The following DCAF5 variants were observed in gnomAD, a reference collection of about 807,000 sequenced individuals.
DCAF5 encodes the protein DDB1 and CUL4 associated factor 5.
A neutral mutation model predicts 80.7 loss-of-function variants in DCAF5; 9 were observed. That is an observed-to-expected ratio of 0.11 (90% confidence interval 0.07 to 0.19). DCAF5 has a LOEUF of 0.19. Among genes scored for constraint, DCAF5 ranks in the 10% least tolerant of loss-of-function variants. The pLI is 1.00. For missense variants in DCAF5, 842 were observed against 1,205.7 expected, an observed-to-expected ratio of 0.70 and a Z score of 4.47; for synonymous variants, 433 against 461.9, an observed-to-expected ratio of 0.94 and a Z score of 0.80.
chr14:69,058,604 G>T (rs987848090), intron 8 of DCAF5, among the ~76,000 whole-genome samples: 2 of 151,982 alleles, frequency 1.3e-5, no homozygotes, highest in Admixed American at 6.6e-5. Flanking sequence ...GCCAGGCGTG[G>T]TGGCTCACAC....
At chr14:69,133,558 G>C (rs945818616) in intron 1 of DCAF5, among the ~76,000 whole-genome samples, 3 of 152,044 alleles carry the variant, frequency 2.0e-5, no homozygotes, top group East Asian at 1.9e-4. Context: ...AAGAGGCGGG[G>C]GTACAGGCAG....
chr14:69,119,186 C>T lies in DCAF5; in HGVS notation c.395+8G>A. 1 of 1,612,966 alleles carries T rather than the reference C, an allele frequency of 6.2e-7. No individual in the cohort carries two copies. The highest frequency in any genetic ancestry group is 1.7e-4 in the Middle Eastern group (1 of 6,054). On this transcript the variant is annotated splice_region_variant and intron_variant, in intron 3 of 8. Coordinates refer to ENST00000341516, the MANE Select transcript of DCAF5 (RefSeq NM_003861.3). ...TCAATCACCTTCACACACCACCAAT[C>T]TATTTACCTTTCAACATCATGGAGG...
At chr14:69,149,319 T>C (rs1247821561) in intron 1 of DCAF5, 1 of 152,224 alleles carries the variant, frequency 6.6e-6, no homozygotes, top group Non-Finnish European at 1.5e-5. Flanking sequence ...CGATGCCCCT[T>C]TCTGGTCATA....
intron 1 of DCAF5, among the ~76,000 whole-genome samples, chr14:69,146,010 T>C (rs11621304): frequency 0.015 from 2,318 of 152,300 alleles, 36 homozygotes; most frequent in Non-Finnish European, 0.023. Context: ...GTGTGACAAG[T>C]TTTACTAGTC....
rs752783676 is a variant in DCAF5, at chr14:69,118,256, C to G, written c.418G>C (p.Ala140Pro). Reference protein sequence around the residue: ...VESSETLDVFAHEDAVYGLSV... With the variant: ...VESSETLDVFPHEDAVYGLSV... ...AAGCCATATACTGCATCTTCATGAG[C>G]AAACACGTCCAATGTCTCACTGCTG... is the stretch of plus-strand genomic sequence containing the variant. The change falls in exon 4 of 9, where the codon GCT becomes CCT. Residue 140 changes from alanine (A) to proline (P), a missense_variant. Physicochemically the swap from Ala to Pro is conservative, Grantham distance 27. Coordinates refer to ENST00000341516, the MANE Select transcript of DCAF5 (RefSeq NM_003861.3). This position sits in a 1 kb window ranked among gnomAD's most constrained non-coding sequence, Gnocchi z 4.0. 2 of 1,613,806 alleles carry G rather than the reference C, an allele frequency of 1.2e-6. No homozygotes were observed. Among genetic ancestry groups the G allele is most frequent in the East Asian group, 4.5e-5 (2 of 44,862 alleles).
chr14:69,065,922 G>A (rs1433805316), intron 7 of DCAF5, among the ~76,000 whole-genome samples: 1 of 152,068 alleles, frequency 6.6e-6, no homozygotes, highest in East Asian at 1.9e-4. Context: ...TAAGACTGTG[G>A]GTAAGGGCCC....
At chr14:69,096,532 C>T (rs1312178220) in intron 5 of DCAF5, among the ~76,000 whole-genome samples, 2 of 152,086 alleles carry the variant, frequency 1.3e-5, no homozygotes, top group Non-Finnish European at 2.9e-5. Flanking sequence ...TTTCATGAAG[C>T]ACATATGGAT....
intron 6 of DCAF5, chr14:69,084,055 T>C (rs911653758): frequency 1.3e-6 from 1 of 781,450 alleles, no homozygotes; most frequent in Admixed American, 1.7e-5. Flanking sequence ...ACAAAAACCG[T>C]CAGTGGTAAA....
chr14:69,092,023 G>C (rs1594980542), intron 5 of DCAF5, 136 bp from the exon 6 acceptor site: 1 of 688,642 alleles, frequency 1.5e-6, no homozygotes, highest in Non-Finnish European at 2.4e-6. Context: ...GCAGTGGCTA[G>C]AATAATGAGG....
In DCAF5 at chr14:69,152,146, C is replaced by T. The variant is rs943289753; in HGVS notation, c.214+619G>A. The stretch of plus-strand genomic sequence containing the variant: ...AAACAAGACGCAGAAGAGGCCACAA[C>T]CGAACGAAAGGCGATGGTGCTGGGC... On this transcript the variant is annotated intron_variant, in intron 1 of 8. Transcript: ENST00000341516. The surrounding 1 kb of genome is among the most constrained non-coding windows in gnomAD (Gnocchi z 4.1). Among the ~76,000 whole-genome samples the T allele has an allele frequency of 6.6e-6, 1 of 152,348 alleles. No individual in the cohort carries two copies. The highest frequency in any genetic ancestry group is 2.1e-4 in the South Asian group (1 of 4,832).
intron 7 of DCAF5, among the ~76,000 whole-genome samples, chr14:69,065,516 G>A (rs2038404471): frequency 6.6e-6 from 1 of 152,188 alleles, no homozygotes; most frequent in East Asian, 1.9e-4. Flanking sequence ...GACTGATGGT[G>A]AAAATAGGTA....
chr14:69,089,932 T>C (rs766790890), intron 6 of DCAF5: 135 of 985,246 alleles, frequency 1.4e-4, no homozygotes, highest in Non-Finnish European at 1.6e-4. Context: ...TGGGAAACCA[T>C]GGTCTAGGTG....
At chr14:69,120,242 C>T (rs1384652740) in intron 2 of DCAF5, among the ~76,000 whole-genome samples, 2 of 151,998 alleles carry the variant, frequency 1.3e-5, no homozygotes, top group Non-Finnish European at 2.9e-5. Flanking sequence ...TGTCACTATG[C>T]CTGGCTAATT....
intron 5 of DCAF5, among the ~76,000 whole-genome samples, chr14:69,106,146 T>A (rs1467382024): frequency 6.6e-6 from 1 of 150,898 alleles, no homozygotes; most frequent in Non-Finnish European, 1.5e-5. Context: ...AACCTCTGCC[T>A]CCCAGGTTCA....
intron 6 of DCAF5, among the ~76,000 whole-genome samples, chr14:69,077,911 G>A (rs2038961845): frequency 6.6e-6 from 1 of 152,178 alleles, no homozygotes; most frequent in Admixed American, 6.5e-5. Context: ...TAGGTAATCA[G>A]GGCACAGTGG....
intron 1 of DCAF5, among the ~76,000 whole-genome samples, chr14:69,126,097 GA>G (rs1354295899): frequency 6.9e-6 from 1 of 144,010 alleles, no homozygotes; most frequent in Non-Finnish European, 1.5e-5. Flanking sequence ...ATCTACATAA[GA>G]AAAATTATAA....
chr14:69,058,915 AG>A (rs1238837710), intron 8 of DCAF5, among the ~76,000 whole-genome samples: 1 of 151,856 alleles, frequency 6.6e-6, no homozygotes, highest in Non-Finnish European at 1.5e-5. Context: ...AGGAAAAGAA[AG>A]GAAGAAGTGA....
chr14:69,080,280 G>A lies in DCAF5; in HGVS notation c.880-4869C>T, dbSNP rs2139922853. On this transcript the variant is annotated intron_variant, in intron 6 of 8. Transcript: ENST00000341516. The stretch of plus-strand genomic sequence containing the variant: ...GCTGGTTGGGGCCACTGAGTGGGGC[G>A]CTGCTGATGGTTAGTGCTTAAGAGG... 2.0e-5 allele frequency among the ~76,000 whole-genome samples: 3 copies of A among 152,156 alleles called. No individual in the cohort carries two copies. The South Asian group carries it at 6.2e-4, about 32-fold the overall frequency.
intron 5 of DCAF5, among the ~76,000 whole-genome samples, chr14:69,101,027 A>T: frequency 6.6e-6 from 1 of 152,204 alleles, no homozygotes; most frequent in Non-Finnish European, 1.5e-5. Flanking sequence ...CTAATCCTTA[A>T]AATAATCCTA....
Sources: gnomAD v4.1 joint callset for allele counts (sites outside exome capture counted in the v4.1 genomes callset) on GRCh38, gnomAD v4.1.1 for gene constraint, Gnocchi (gnomAD v3.1) non-coding constraint, MANE v1.5 for transcripts, NCBI Gene and HGNC (gene_info 2026-07-23, HGNC 2026-07-21) for gene names.